MAP1B: variants seen among roughly 807,000 people sequenced by gnomAD.
MAP1B encodes the protein microtubule associated protein 1B.
A neutral mutation model predicts 176.1 loss-of-function variants in MAP1B; 12 were observed. That is an observed-to-expected ratio of 0.07 (90% CI 0.04 to 0.11). The LOEUF (loss-of-function observed/expected upper bound fraction) is 0.11, where lower values mean the gene tolerates loss of function less well. Ranked by LOEUF, MAP1B falls within the 10% of genes least tolerant of loss-of-function variation. MAP1B has a pLI of 1.00. For synonymous variants in MAP1B, 1,044 were observed against 1,135.0 expected (o/e 0.92, Z 1.61); for missense variants, 2,523 against 2,990.5 (o/e 0.84, Z 3.65).
At chr5:72,179,619 G>C in intron 2 of MAP1B, 1 of 985,498 alleles carries the variant, frequency 1.0e-6, no homozygotes, top group South Asian at 4.7e-5. Context: ...CCCTCTGCCA[G>C]GCTTGGCCAG....
At chr5:72,179,389 C>T (rs1252311118) in intron 2 of MAP1B, among the ~76,000 whole-genome samples, 3 of 152,218 alleles carry the variant, frequency 2.0e-5, no homozygotes, top group Non-Finnish European at 2.9e-5. Flanking sequence ...ACCCGGCTGC[C>T]TTTCTTTCCT....
chr5:72,116,585 A>T (rs201233948), intron 2 of MAP1B: 12 of 277,998 alleles, frequency 4.3e-5, no homozygotes, highest in African/African-American at 2.3e-4. Context: ...TCTTCTTGTG[A>T]GCAATAACCT....
At chr5:72,181,945 C>T (rs1045565152) in intron 2 of MAP1B, among the ~76,000 whole-genome samples, 6 of 151,354 alleles carry the variant, frequency 4.0e-5, no homozygotes, top group Admixed American at 6.6e-5. Context: ...AGACTGGTCT[C>T]GAACTCCTGA....
chr5:72,113,307 G>A (rs940712918), intron 1 of MAP1B, among the ~76,000 whole-genome samples: 1 of 152,040 alleles, frequency 6.6e-6, no homozygotes, highest in African/African-American at 2.4e-5. Flanking sequence ...AACAATTTGG[G>A]TGGAAATTGC....
chr5:72,107,737 G>C (rs1745122654), intron 1 of MAP1B, 22 bp downstream of exon 1: 1 of 1,596,828 alleles, frequency 6.3e-7, no homozygotes, highest in Non-Finnish European at 8.5e-7. Flanking sequence ...CGCGCCCCCA[G>C]AGACGCGCGC....
At chr5:72,126,732 A>G (rs1745639724) in intron 2 of MAP1B, among the ~76,000 whole-genome samples, 1 of 152,248 alleles carries the variant, frequency 6.6e-6, no homozygotes, top group African/African-American at 2.4e-5. Flanking sequence ...AAAGAATTTC[A>G]TTTAGAAAAA....
At position 72,193,938 on chromosome 5, in the gene MAP1B, G is replaced by T. The variant is rs1747085517; in HGVS notation, c.583G>T (p.Asp195Tyr). ...SLTLFCPEEGDWKNSNLDRHN... is the reference protein window; with the variant it reads ...SLTLFCPEEGYWKNSNLDRHN... ...AACCCTGTTCTGTCCTGAAGAAGGG[G>T]ACTGGAAGAACTCCAATCTTGACAG... The change falls in exon 5 of 7, where the codon GAC becomes TAC. Residue 195 changes from aspartate (D) to tyrosine (Y), a missense_variant. Around this residue, in one of 4 missense-constraint regions of MAP1B, gnomAD observed 307 missense variants for 438.4 expected, o/e 0.70. Transcript: ENST00000296755. The T allele has an allele frequency of 6.2e-7, 1 of 1,613,942 alleles. No homozygotes were observed. Among genetic ancestry groups the T allele is most frequent in the South Asian group, 1.1e-5 (1 of 91,076 alleles).
At chr5:72,114,227 G>A (rs55801048) in intron 1 of MAP1B, among the ~76,000 whole-genome samples, 67,925 of 151,118 alleles carry the variant, frequency 0.45, 15,686 homozygotes, top group Middle Eastern at 0.62. Context: ...TTTTTTTTTT[G>A]TAATGTCTAT....
rs576460058 is a variant in MAP1B, at chr5:72,122,237, C to T, written c.286+6438C>T. ...CCCCGTGCCCTGAGCCCTCCTGGCC[C>T]GGTTGCAGGGAACAGAGTGATCGGC... On this transcript the variant is annotated intron_variant, in intron 2 of 6. Coordinates refer to ENST00000296755, the MANE Select transcript of MAP1B (RefSeq NM_005909.5). Among the ~76,000 whole-genome samples the T allele has an allele frequency of 4.6e-3, 705 of 152,174 alleles. 3 individuals carry two copies. Among genetic ancestry groups the T allele is most frequent in the Non-Finnish European group, 7.4e-3 (500 of 68,006 alleles).
rs545399052 is a variant in MAP1B at position 72,193,808 on chromosome 5, A to T, written c.511-58A>T. 6 of 1,472,316 alleles carry T rather than the reference A, an allele frequency of 4.1e-6. No individual in the cohort carries two copies. In the South Asian group the frequency reaches 6.9e-5, roughly 17 times the overall value. The allele number at this position is 1,472,316 out of a possible 1,614,324, so 91.2% of individuals were successfully genotyped here. ...ACATAGTTATAGCTGGAGATGATGG[A>T]TCAGTGATGATAATCACTTACACCT... On this transcript the variant is annotated intron_variant, in intron 4 of 6. Coordinates refer to ENST00000296755, the MANE Select transcript of MAP1B (RefSeq NM_005909.5).
intron 4 of MAP1B, among the ~76,000 whole-genome samples, chr5:72,190,646 C>T (rs894459726): frequency 1.3e-5 from 2 of 152,170 alleles, no homozygotes; most frequent in African/African-American, 2.4e-5. Flanking sequence ...CCATTTTTAT[C>T]CAAGTGAATA....
At chr5:72,136,615 C>A (rs564143756) in intron 2 of MAP1B, among the ~76,000 whole-genome samples, 5 of 152,266 alleles carry the variant, frequency 3.3e-5, no homozygotes, top group Non-Finnish European at 7.4e-5. Context: ...AATCATTTTA[C>A]TACTACCCTC....
chr5:72,115,991 A>G (rs891014954), intron 2 of MAP1B, 192 bp downstream of exon 2: 16 of 504,412 alleles, frequency 3.2e-5, no homozygotes, highest in African/African-American at 5.8e-5. Context: ...TGGGTTATCT[A>G]TTTTGTGGAT....
chr5:72,116,499 C>T (rs968118856), intron 2 of MAP1B: 2 of 389,812 alleles, frequency 5.1e-6, no homozygotes, highest in African/African-American at 4.2e-5. Context: ...TCCCACTAAC[C>T]AGCCACCTTC....
At chr5:72,107,851 C>A in intron 1 of MAP1B, 136 bp downstream of exon 1, 2 of 855,610 alleles carry the variant, frequency 2.3e-6, no homozygotes, top group African/African-American at 1.7e-5. Flanking sequence ...ATACTTGGTC[C>A]AGACCCTTTC....
At chr5:72,119,173 A>T (rs1028044423) in intron 2 of MAP1B, among the ~76,000 whole-genome samples, 29 of 152,172 alleles carry the variant, frequency 1.9e-4, no homozygotes, top group African/African-American at 6.5e-4. Context: ...CCAGAATGTT[A>T]GTTCTGTGAT....
rs573728562 is a variant in MAP1B at position 72,199,992 on chromosome 5, C to T, written c.6637C>T (p.Arg2213Cys). 61 of 1,614,212 alleles carry T rather than the reference C, an allele frequency of 3.8e-5. No individual in the cohort carries two copies. Among genetic ancestry groups the T allele is most frequent in the South Asian group, 3.0e-4 (27 of 91,086 alleles). Reference sequence around the variant, plus strand: ...CGTGCAAGACCGCAGCCCTTCGCCACGCCACCCTGATGTGTCCATGGTGGA... The same window carrying T: ...CGTGCAAGACCGCAGCCCTTCGCCATGCCACCCTGATGTGTCCATGGTGGA... ...APVQDRSPSP[R>C]HPDVSMVDPE... The change falls in exon 5 of 7, where the codon CGC (arginine) becomes TGC (cysteine). Residue 2213 changes from arginine to cysteine, a missense_variant. By Grantham distance (180) the Arg-to-Cys change is radical. Transcript: ENST00000296755. The surrounding 1 kb of genome is among the most constrained non-coding windows in gnomAD (Gnocchi z 4.2).
intron 1 of MAP1B, among the ~76,000 whole-genome samples, chr5:72,113,362 T>TA (rs1745377525): frequency 6.6e-6 from 1 of 152,366 alleles, no homozygotes; most frequent in African/African-American, 2.4e-5. Flanking sequence ...ATTGGGAGTG[T>TA]AAAAATGAGA....
At chr5:72,151,475 T>C (rs191568530) in intron 2 of MAP1B, among the ~76,000 whole-genome samples, 2 of 152,122 alleles carry the variant, frequency 1.3e-5, no homozygotes, top group East Asian at 1.9e-4. Context: ...GACCAAAATA[T>C]TGTGTTTCCA....
Sources: allele counts gnomAD v4.1 joint callset (sites outside exome capture counted in the v4.1 genomes callset), GRCh38; gene constraint gnomAD v4.1.1; regional missense constraint gnomAD v4.1.1; non-coding constraint Gnocchi (gnomAD v3.1); transcripts MANE v1.5; gene names NCBI Gene and HGNC (gene_info 2026-07-23, HGNC 2026-07-21).